The following LZTFL1 variants were observed in gnomAD, a reference collection of about 807,000 sequenced individuals.
LZTFL1 encodes leucine zipper transcription factor like 1.
Under a neutral mutation model 45.9 loss-of-function variants are expected in LZTFL1, and 25 were observed. That is an observed-to-expected ratio of 0.54 (90% CI 0.40 to 0.76). The LOEUF is 0.76. LZTFL1 is among the 30% of genes least tolerant of loss of function. LZTFL1 has a pLI of 0.00. For missense variants in LZTFL1, 277 were observed against 331.1 expected, an observed-to-expected ratio of 0.84 and a Z score of 1.27; for synonymous variants, 93 against 117.4, an observed-to-expected ratio of 0.79 and a Z score of 1.35.
chr3:45,829,518 C>T (rs566514629), intron 7 of LZTFL1, among the ~76,000 whole-genome samples: 6 of 148,426 alleles, frequency 4.0e-5, no homozygotes, highest in South Asian at 2.1e-4. Flanking sequence ...GTGGGAGGAT[C>T]GCTTGAGCCG....
At position 45,841,344 on chromosome 3, in the gene LZTFL1, G is replaced by A. The variant is rs571905010; in HGVS notation, c.3+645C>T. Among the ~76,000 whole-genome samples, 7 of 152,296 alleles carry A rather than the reference G, an allele frequency of 4.6e-5. No individual in the cohort carries two copies. In the South Asian group the frequency reaches 1.5e-3, roughly 32 times the overall value. ...TCTAAGTATGACTGGTATTTAAGAT[G>A]GCATGCTATATTCGCTGGAGGGATT... On this transcript the variant is annotated intron_variant, in intron 1 of 9. Transcript: ENST00000296135.
chr3:45,874,027 C>T (rs1357033697), intron 2 of LZTFL1, among the ~76,000 whole-genome samples: 1 of 152,208 alleles, frequency 6.6e-6, no homozygotes, highest in Non-Finnish European at 1.5e-5. Context: ...GGGCCTCATC[C>T]ACTCACTAAT....
chr3:45,901,738 A>G lies in LZTFL1; in HGVS notation c.-215+11382T>C, dbSNP rs201289109. ...CACAGTTGCCTGAACCCTGTTCTCT[A>G]TGTTTTTGTGGGTGAGAGATTCCGC... On this transcript the variant is annotated intron_variant, in intron 2 of 4. Coordinates refer to the LZTFL1 transcript ENST00000472635. The surrounding 1 kb of genome is among the most constrained non-coding windows in gnomAD (Gnocchi z 4.3). The G allele has an allele frequency of 1.9e-6, 3 of 1,614,108 alleles. No homozygotes were observed. Among genetic ancestry groups the G allele is most frequent in the African/African-American group, 1.3e-5 (1 of 75,028 alleles).
intron 2 of LZTFL1, among the ~76,000 whole-genome samples, chr3:45,910,832 C>T (rs1702781502): frequency 6.6e-6 from 1 of 152,126 alleles, no homozygotes. Flanking sequence ...ATTTTATTCG[C>T]CATTTTGTGA....
chr3:45,855,261 T>C (rs544422121), intron 3 of LZTFL1, among the ~76,000 whole-genome samples: 2 of 152,094 alleles, frequency 1.3e-5, no homozygotes, highest in African/African-American at 4.8e-5. Flanking sequence ...GTTCAACATA[T>C]GCAAATCAAT....
At chr3:45,838,352 G>A (rs186526504) in intron 1 of LZTFL1, among the ~76,000 whole-genome samples, 4 of 152,272 alleles carry the variant, frequency 2.6e-5, no homozygotes, top group African/African-American at 4.8e-5. Context: ...AAGAGGTGGC[G>A]ACTTGACTGA....
rs1231557690 is a variant in LZTFL1, at chr3:45,841,978, C to G, written c.3+11G>C. ...TGTGCGCGGTGCGGCGCCTGAGGGT[C>G]GGTTACTCACCATGGCGGCAGGCAG... On this transcript the variant is annotated intron_variant, in intron 1 of 9. Coordinates refer to ENST00000296135, the MANE Select transcript of LZTFL1 (RefSeq NM_020347.4). 1 of 1,611,464 alleles carries G rather than the reference C, an allele frequency of 6.2e-7. No individual in the cohort carries two copies. The highest frequency in any genetic ancestry group is 1.1e-5 in the South Asian group (1 of 90,824).
At chr3:45,907,589 C>T (rs1390890323) in intron 2 of LZTFL1, among the ~76,000 whole-genome samples, 3 of 152,204 alleles carry the variant, frequency 2.0e-5, no homozygotes, top group Non-Finnish European at 2.9e-5. Flanking sequence ...CGTCCCTTCT[C>T]GTATTAAAAG....
At chr3:45,912,039 T>C (rs1333304844) in intron 2 of LZTFL1, among the ~76,000 whole-genome samples, 1 of 152,264 alleles carries the variant, frequency 6.6e-6, no homozygotes, top group African/African-American at 2.4e-5. Flanking sequence ...GCCACTGCTG[T>C]GTCCAGCGTC....
chr3:45,841,461 C>A (rs1701110791), intron 1 of LZTFL1, among the ~76,000 whole-genome samples: 1 of 152,210 alleles, frequency 6.6e-6, no homozygotes, highest in Admixed American at 6.5e-5. Flanking sequence ...AAGTCACCTC[C>A]ACATCAGAAA....
In LZTFL1 at chr3:45,891,147, C is replaced by T. The variant is rs529126077; in HGVS notation, c.-215+21973G>A. Among the ~76,000 whole-genome samples, 10 of 152,316 alleles carry T rather than the reference C, an allele frequency of 6.6e-5. No homozygotes were observed. In the South Asian group the frequency reaches 1.9e-3, roughly 28 times the overall value. On this transcript the variant is annotated intron_variant, in intron 2 of 4. Coordinates refer to the LZTFL1 transcript ENST00000472635. ...GATAAATGTCAGTGTTTTCCTGGCC[C>T]CCAGAGGGCTGCAGTGAAATTCGGT...
chr3:45,873,185 A>G (rs551597282), intron 2 of LZTFL1, among the ~76,000 whole-genome samples: 119 of 152,318 alleles, frequency 7.8e-4, no homozygotes, highest in Non-Finnish European at 1.5e-3. Context: ...TACTGAGTAC[A>G]CAAACCCTGG....
chr3:45,841,532 G>A (rs186139257), intron 1 of LZTFL1, among the ~76,000 whole-genome samples: 3 of 152,200 alleles, frequency 2.0e-5, no homozygotes, highest in Non-Finnish European at 4.4e-5. Context: ...GTTACCGCGC[G>A]CGCGCGTGTG....
chr3:45,906,364 A>G, intron 2 of LZTFL1, among the ~76,000 whole-genome samples: 1 of 152,228 alleles, frequency 6.6e-6, no homozygotes, highest in Admixed American at 6.5e-5. Context: ...CAGAGGAAGG[A>G]GCTGAGCCTC....
intron 2 of LZTFL1, among the ~76,000 whole-genome samples, chr3:45,892,412 A>T (rs1350352026): frequency 6.6e-6 from 1 of 152,204 alleles, no homozygotes; most frequent in African/African-American, 2.4e-5. Context: ...CCTTTGAAGC[A>T]ACATGGATGG....
intron 4 of LZTFL1, among the ~76,000 whole-genome samples, chr3:45,853,183 G>A (rs1701333075): frequency 6.6e-6 from 1 of 152,184 alleles, no homozygotes; most frequent in African/African-American, 2.4e-5. Flanking sequence ...GCTTGGTTTT[G>A]GTAAAGTCCT....
At chr3:45,844,349 C>T (rs1001165635), upstream of LZTFL1, among the ~76,000 whole-genome samples, 2 of 152,002 alleles carry the variant, frequency 1.3e-5, no homozygotes, top group Non-Finnish European at 2.9e-5. Context: ...TGGAGGGACT[C>T]AGAAAGCCCC....
At chr3:45,898,854 G>C (rs973198827) in intron 2 of LZTFL1, among the ~76,000 whole-genome samples, 2 of 152,188 alleles carry the variant, frequency 1.3e-5, no homozygotes, top group Non-Finnish European at 2.9e-5. Flanking sequence ...TCTTTACTGT[G>C]CTAATGTGCA....
rs750577412 is a variant in LZTFL1 at position 45,901,113 on chromosome 3, G to A, written c.-215+12007C>T. On this transcript the variant is annotated intron_variant, in intron 2 of 4. Coordinates refer to the LZTFL1 transcript ENST00000472635. The surrounding 1 kb of genome is among the most constrained non-coding windows in gnomAD (Gnocchi z 4.3). ...TCTTCCCTTCTGGGCCATTGCTGCTGCTGACCAGTGGAAGTTCCAGACCTT... is the reference window on the plus strand; with the variant it reads ...TCTTCCCTTCTGGGCCATTGCTGCTACTGACCAGTGGAAGTTCCAGACCTT... The A allele has an allele frequency of 1.2e-6, 2 of 1,614,012 alleles. No individual in the cohort carries two copies. The highest frequency in any genetic ancestry group is 1.3e-5 in the African/African-American group (1 of 74,904).
Sources: gnomAD v4.1 joint callset for allele counts (sites outside exome capture counted in the v4.1 genomes callset) on GRCh38, gnomAD v4.1.1 for gene constraint, Gnocchi (gnomAD v3.1) non-coding constraint, MANE v1.5 for transcripts, NCBI Gene and HGNC (gene_info 2026-07-23, HGNC 2026-07-21) for gene names.